Variants in NHSL1 observed in about 807,000 individuals in gnomAD.
The protein encoded by NHSL1 is NHS-like protein 1.
Under a neutral mutation model 95.0 loss-of-function variants are expected in NHSL1, and 48 were observed. That is an observed-to-expected ratio of 0.51 (90% CI 0.40 to 0.64). NHSL1 has a LOEUF of 0.64. Ranked by LOEUF, NHSL1 falls within the 30% of genes least tolerant of loss-of-function variation. The pLI is 0.00. For missense variants in NHSL1, 1,971 were observed against 2,077.7 expected, an observed-to-expected ratio of 0.95 and a Z score of 1.00; for synonymous variants, 783 against 833.9, an observed-to-expected ratio of 0.94 and a Z score of 1.05.
intron 1 of NHSL1, among the ~76,000 whole-genome samples, chr6:138,636,925 T>C (rs1784895774): frequency 6.6e-6 from 1 of 152,162 alleles, no homozygotes; most frequent in Non-Finnish European, 1.5e-5. Flanking sequence ...AAAATTTATA[T>C]GGAACCATGA....
chr6:138,687,581 ATAAG>A (rs1785602565), intron 1 of NHSL1, among the ~76,000 whole-genome samples: 1 of 152,240 alleles, frequency 6.6e-6, no homozygotes, highest in South Asian at 2.1e-4. Flanking sequence ...TTAAAAAGTA[ATAAG>A]TGTGTATAAT....
At chr6:138,552,729 C>T (rs1783055421) in intron 1 of NHSL1, among the ~76,000 whole-genome samples, 1 of 152,138 alleles carries the variant, frequency 6.6e-6, no homozygotes, top group South Asian at 2.1e-4. Flanking sequence ...ACCTTCCAGC[C>T]TCTTTCGGTT....
intron 2 of NHSL1, among the ~76,000 whole-genome samples, chr6:138,474,869 C>T (rs756581975): frequency 2.0e-5 from 3 of 152,152 alleles, no homozygotes; most frequent in African/African-American, 4.8e-5. Context: ...TATTCTCAGG[C>T]TGGGCGCGGT....
At chr6:138,687,595 T>C (rs1785602730) in intron 1 of NHSL1, among the ~76,000 whole-genome samples, 1 of 152,226 alleles carries the variant, frequency 6.6e-6, no homozygotes, top group African/African-American at 2.4e-5. Flanking sequence ...GTGTGTATAA[T>C]ATAACCTGGC....
chr6:138,436,321 T>TA (rs1776098323), intron 5 of NHSL1, among the ~76,000 whole-genome samples: 1 of 151,998 alleles, frequency 6.6e-6, no homozygotes, highest in Non-Finnish European at 1.5e-5. Flanking sequence ...CATACACAAA[T>TA]AAAAAAACAG....
chr6:138,434,613 A>T (rs1268762993), intron 5 of NHSL1, among the ~76,000 whole-genome samples: 1 of 152,236 alleles, frequency 6.6e-6, no homozygotes, highest in African/African-American at 2.4e-5. Flanking sequence ...CCTTAAGACA[A>T]ATCGAATCTC....
At chr6:138,613,946 A>T (rs1784547025) in intron 1 of NHSL1, among the ~76,000 whole-genome samples, 1 of 152,162 alleles carries the variant, frequency 6.6e-6, no homozygotes, top group African/African-American at 2.4e-5. Flanking sequence ...ATCTCTAGGG[A>T]CAGCCACATT....
chr6:138,617,175 A>G (rs1193047908), intron 1 of NHSL1, among the ~76,000 whole-genome samples: 1 of 152,204 alleles, frequency 6.6e-6, no homozygotes, highest in Non-Finnish European at 1.5e-5. Context: ...AGGTGACCAC[A>G]TGGCAATGGT....
intron 1 of NHSL1, among the ~76,000 whole-genome samples, chr6:138,585,105 T>C (rs1784113159): frequency 6.6e-6 from 1 of 152,148 alleles, no homozygotes; most frequent in Admixed American, 6.5e-5. Context: ...CAGTAACTGA[T>C]AGGTTATTTT....
At chr6:138,599,465 C>T (rs1386615542) in intron 1 of NHSL1, among the ~76,000 whole-genome samples, 2 of 152,030 alleles carry the variant, frequency 1.3e-5, no homozygotes, top group Non-Finnish European at 2.9e-5. Flanking sequence ...TGAGCCGAGA[C>T]TGCACCATTG....
chr6:138,626,271 C>T (rs909110484), intron 1 of NHSL1, among the ~76,000 whole-genome samples: 2 of 152,206 alleles, frequency 1.3e-5, no homozygotes, highest in Admixed American at 6.5e-5. Flanking sequence ...CCTCACTTAG[C>T]TTTTGGAAAC....
intron 1 of NHSL1, among the ~76,000 whole-genome samples, chr6:138,677,663 AG>A (rs1328848086): frequency 3.9e-5 from 6 of 152,206 alleles, no homozygotes; most frequent in African/African-American, 1.4e-4. Flanking sequence ...CCCCAAGCAG[AG>A]CCCACATGCT....
intron 1 of NHSL1, among the ~76,000 whole-genome samples, chr6:138,604,254 C>T (rs1436961696): frequency 1.3e-5 from 2 of 152,138 alleles, no homozygotes; most frequent in Non-Finnish European, 2.9e-5. Context: ...GCTCAAGTTT[C>T]CCAAAGACAA....
At chr6:138,523,510 C>A (rs1197924285) in intron 1 of NHSL1, among the ~76,000 whole-genome samples, 1 of 151,462 alleles carries the variant, frequency 6.6e-6, no homozygotes, top group East Asian at 1.9e-4. Context: ...GGTCTCGCTA[C>A]GTTGCCCAGG....
At chr6:138,480,621 A>G (rs1202642420) in intron 2 of NHSL1, among the ~76,000 whole-genome samples, 1 of 152,218 alleles carries the variant, frequency 6.6e-6, no homozygotes, top group Non-Finnish European at 1.5e-5. Context: ...TACATATATC[A>G]TATTTTAAAA....
At chr6:138,603,788 T>C (rs980570434) in intron 1 of NHSL1, among the ~76,000 whole-genome samples, 1 of 152,166 alleles carries the variant, frequency 6.6e-6, no homozygotes, top group Non-Finnish European at 1.5e-5. Context: ...TGCAGGGCAA[T>C]GTAATTTGAT....
chr6:138,460,469 A>T lies in NHSL1; in HGVS notation c.339+12837T>A, dbSNP rs186036609. Among the ~76,000 whole-genome samples, 63 of 152,312 alleles carry T rather than the reference A, an allele frequency of 4.1e-4. No individual in the cohort carries two copies. In the East Asian group the frequency reaches 0.011, roughly 27 times the overall value. ...TGGCTGTGTTTGTAACTGTATATAT[A>T]CAGACATTTTTTGTGTCATTATTCC... On this transcript the variant is annotated intron_variant, in intron 3 of 7. Coordinates refer to ENST00000343505, the MANE Select transcript of NHSL1 (RefSeq NM_001144060.2).
intron 1 of NHSL1, among the ~76,000 whole-genome samples, chr6:138,554,365 C>T (rs1361637981): frequency 6.6e-6 from 1 of 152,172 alleles, no homozygotes. Flanking sequence ...TCTGAGTAAT[C>T]TGAGGAAGTA....
At chr6:138,662,396 G>T (rs866098761) in intron 1 of NHSL1, among the ~76,000 whole-genome samples, 1 of 152,138 alleles carries the variant, frequency 6.6e-6, no homozygotes. Flanking sequence ...CAAACTGAAA[G>T]GTTAGGATCC....
Sources: gnomAD v4.1 joint callset for allele counts (sites outside exome capture counted in the v4.1 genomes callset) on GRCh38, gnomAD v4.1.1 for gene constraint, MANE v1.5 for transcripts, NCBI Gene and HGNC (gene_info 2026-07-23, HGNC 2026-07-21) for gene names.